The following KCNG2 variants were observed in gnomAD, a reference collection of about 807,000 sequenced individuals.
KCNG2 encodes potassium voltage-gated channel modifier subfamily G member 2.
Under a neutral mutation model 12.3 loss-of-function variants are expected in KCNG2, and 7 were observed. That is an observed-to-expected ratio of 0.57 (90% CI 0.32 to 1.07). The LOEUF is 1.07. KCNG2 is among the 50% of genes least tolerant of loss of function. KCNG2 has a pLI of 0.04. For synonymous variants in KCNG2, 414 were observed against 351.4 expected, an observed-to-expected ratio of 1.18 and a Z score of -1.99; for missense variants, 703 against 726.0, an observed-to-expected ratio of 0.97 and a Z score of 0.36.
chr18:79,866,055 G>C (rs1336622785), intron 3 of KCNG2, among the ~76,000 whole-genome samples: 9 of 148,412 alleles, frequency 6.1e-5, no homozygotes, highest in Non-Finnish European at 1.2e-4. Context: ...TCTGTGTTCT[G>C]AGGTCTGGGT....
rs912781782 is a variant in KCNG2, at chr18:79,899,999, C to T, written c.*183C>T. 14 of 441,652 alleles carry T rather than the reference C, an allele frequency of 3.2e-5. No homozygotes were observed. Among genetic ancestry groups the T allele is most frequent in the South Asian group, 2.1e-4 (2 of 9,400 alleles). 27.4% of individuals were successfully genotyped at this position (441,652 alleles called of 1,614,324 possible). ...GGCCCTGCCTGACTCCCCGTGGCAG[C>T]GCTGGGCAAAGTCACTGGCCTTTGT... On this transcript the variant is annotated 3_prime_UTR_variant, in exon 4 of 4. Coordinates refer to ENST00000316249, the MANE Select transcript of KCNG2 (RefSeq NM_012283.2).
chr18:79,834,347 A>G (rs542802791), intron 1 of KCNG2, among the ~76,000 whole-genome samples: 4 of 152,292 alleles, frequency 2.6e-5, no homozygotes, highest in African/African-American at 9.6e-5. Context: ...TTAGACTCTC[A>G]GTTTCTGGGA....
At chr18:79,802,485 C>T (rs929413411) in intron 1 of KCNG2, among the ~76,000 whole-genome samples, 34 of 152,348 alleles carry the variant, frequency 2.2e-4, no homozygotes, top group Middle Eastern at 3.4e-3. Flanking sequence ...TGTCCCAGCC[C>T]GGCCGCTGCA....
chr18:79,859,351 T>G (rs1979132626), intron 2 of KCNG2, among the ~76,000 whole-genome samples: 1 of 152,222 alleles, frequency 6.6e-6, no homozygotes, highest in Non-Finnish European at 1.5e-5. Flanking sequence ...ATGATTCTGA[T>G]GTCTGGAAAA....
At chr18:79,807,845 G>A (rs377424184) in intron 1 of KCNG2, among the ~76,000 whole-genome samples, 681 of 50,822 alleles carry the variant, frequency 0.013, no homozygotes, top group Middle Eastern at 0.03. Flanking sequence ...TGCCGGGGCC[G>A]CGCTGACCAC....
At position 79,884,977 on chromosome 18, in the gene KCNG2, C is replaced by T. The variant is rs942851385; in HGVS notation, c.625-14063C>T. On this transcript the variant is annotated intron_variant, in intron 3 of 3. Transcript: ENST00000316249. The surrounding 1 kb of genome is among the most constrained non-coding windows in gnomAD (Gnocchi z 5.5). ...GATCTCTGAGTGTGCGGTCCACTTT[C>T]CCTCCCCAAAGAAGCGCTTGCCCAA... Among the ~76,000 whole-genome samples the T allele has an allele frequency of 2.6e-5, 4 of 152,194 alleles. No individual in the cohort carries two copies. Among genetic ancestry groups the T allele is most frequent in the Admixed American group, 6.5e-5 (1 of 15,284 alleles).
intron 2 of KCNG2, among the ~76,000 whole-genome samples, chr18:79,860,669 G>C (rs1010730822): frequency 8.6e-5 from 13 of 152,008 alleles, no homozygotes; most frequent in African/African-American, 3.1e-4. Context: ...AGTGATGTGT[G>C]TGTGTGTGTG....
intron 2 of KCNG2, among the ~76,000 whole-genome samples, chr18:79,859,398 A>G (rs1448689908): frequency 6.6e-6 from 1 of 152,250 alleles, no homozygotes; most frequent in African/African-American, 2.4e-5. Flanking sequence ...GGAAGGCCAC[A>G]GGCAGCTCCA....
rs938075560 is a variant in KCNG2, at chr18:79,884,681, G to C, written c.625-14359G>C. ...AATGTTTGTGGTTTCCAAAGAGACCGGACACGCCCAAGGCCCACAGACACG... is the reference window on the plus strand; with the variant it reads ...AATGTTTGTGGTTTCCAAAGAGACCCGACACGCCCAAGGCCCACAGACACG... On this transcript the variant is annotated intron_variant, in intron 3 of 3. Coordinates refer to ENST00000316249, the MANE Select transcript of KCNG2 (RefSeq NM_012283.2). The surrounding 1 kb of genome is among the most constrained non-coding windows in gnomAD (Gnocchi z 5.5). Among the ~76,000 whole-genome samples, 1 of 152,334 alleles carries C rather than the reference G, an allele frequency of 6.6e-6. No homozygotes were observed. The highest frequency in any genetic ancestry group is 2.1e-4 in the South Asian group (1 of 4,830).
chr18:79,810,436 G>A (rs1389056406), intron 1 of KCNG2, among the ~76,000 whole-genome samples: 3 of 152,140 alleles, frequency 2.0e-5, no homozygotes, highest in Non-Finnish European at 4.4e-5. Flanking sequence ...TACTGATGCC[G>A]AGTGCTGGTG....
chr18:79,837,514 A>G (rs892020508), intron 1 of KCNG2, among the ~76,000 whole-genome samples: 2 of 152,212 alleles, frequency 1.3e-5, no homozygotes, highest in Admixed American at 6.5e-5. Flanking sequence ...GCTTTACTCT[A>G]CTAGAGGTTC....
chr18:79,862,194 T>A (rs917901150), intron 2 of KCNG2, among the ~76,000 whole-genome samples: 2 of 152,240 alleles, frequency 1.3e-5, no homozygotes, highest in African/African-American at 4.8e-5. Flanking sequence ...CCTTGTAATT[T>A]TTTGTTGAAA....
At chr18:79,827,739 C>G (rs1978287234) in intron 1 of KCNG2, among the ~76,000 whole-genome samples, 1 of 152,186 alleles carries the variant, frequency 6.6e-6, no homozygotes, top group Non-Finnish European at 1.5e-5. Context: ...TCTGGAAATG[C>G]AGCTTGGTGG....
Position 79,869,216 on chromosome 18 carries a change from G to C in KCNG2, c.624+4925G>C, listed in dbSNP as rs541832045. Reference sequence around the variant, plus strand: ...GCTGGTTGCTTTCAGTGCCCGCCCCGCGCTGAGTCTCCTGCCCCTGGGCTG... The same window carrying C: ...GCTGGTTGCTTTCAGTGCCCGCCCCCCGCTGAGTCTCCTGCCCCTGGGCTG... On this transcript the variant is annotated intron_variant, in intron 3 of 3. Transcript: ENST00000316249. 2.0e-5 allele frequency among the ~76,000 whole-genome samples: 3 copies of C among 152,304 alleles called. No homozygotes were observed. The South Asian group carries it at 6.2e-4, about 32-fold the overall frequency.
At chr18:79,821,833 G>A (rs2087572756) in intron 1 of KCNG2, among the ~76,000 whole-genome samples, 1 of 152,212 alleles carries the variant, frequency 6.6e-6, no homozygotes, top group Admixed American at 6.5e-5. Flanking sequence ...GCCATAGCTT[G>A]GCAGCACCTT....
chr18:79,824,821 T>C (rs2087600169), intron 1 of KCNG2, among the ~76,000 whole-genome samples: 1 of 152,248 alleles, frequency 6.6e-6, no homozygotes, highest in Non-Finnish European at 1.5e-5. Flanking sequence ...TTCTACTTTG[T>C]CGCAGTATTT....
At chr18:79,897,300 C>T (rs914712476) in intron 3 of KCNG2, among the ~76,000 whole-genome samples, 7 of 152,092 alleles carry the variant, frequency 4.6e-5, no homozygotes, top group African/African-American at 1.4e-4. Flanking sequence ...TCCTGTCAAA[C>T]TCTTCATGTT....
intron 2 of KCNG2, 58 bp from the exon 3 acceptor site, chr18:79,863,570 C>T (rs2123066228): frequency 2.7e-6 from 3 of 1,122,334 alleles, no homozygotes; most frequent in Non-Finnish European, 3.3e-6. Context: ...TCCCCGCGGG[C>T]GGACGCGCTC....
chr18:79,889,685 T>C lies in KCNG2; in HGVS notation c.625-9355T>C, dbSNP rs181190818. 1.1e-4 allele frequency among the ~76,000 whole-genome samples: 16 copies of C among 152,358 alleles called. No homozygotes were observed. The South Asian group carries it at 1.5e-3, about 14-fold the overall frequency. ...AGGTCCTGTCATTTGTGAACCAACATGACATGACCTTCTCATTGGCCTAGT... is the reference window on the plus strand; with the variant it reads ...AGGTCCTGTCATTTGTGAACCAACACGACATGACCTTCTCATTGGCCTAGT... On this transcript the variant is annotated intron_variant, in intron 3 of 3. Transcript: ENST00000316249.
Sources: gnomAD v4.1 joint callset for allele counts (sites outside exome capture counted in the v4.1 genomes callset) on GRCh38, gnomAD v4.1.1 for gene constraint, Gnocchi (gnomAD v3.1) non-coding constraint, MANE v1.5 for transcripts, NCBI Gene and HGNC (gene_info 2026-07-23, HGNC 2026-07-21) for gene names.